Variants in EVI5 observed in about 807,000 individuals in gnomAD.
EVI5 encodes the protein ecotropic viral integration site 5, also known as ecotropic viral integration site 5 protein homolog.
Under a neutral mutation model 112.0 loss-of-function variants are expected in EVI5, and 73 were observed. That is an observed-to-expected ratio of 0.65 (90% CI 0.54 to 0.79). The LOEUF (loss-of-function observed/expected upper bound fraction) is 0.79, where lower values mean the gene tolerates loss of function less well. Ranked by LOEUF, EVI5 falls within the 30% of genes least tolerant of loss-of-function variation. The pLI, the probability that EVI5 is intolerant of heterozygous loss-of-function variation, is 0.00. For synonymous variants in EVI5, 305 were observed against 319.9 expected, an observed-to-expected ratio of 0.95 and a Z score of 0.50; for missense variants, 900 against 968.8, an observed-to-expected ratio of 0.93 and a Z score of 0.94.
At chr1:92,752,033 C>T (rs1680274167) in intron 1 of EVI5, among the ~76,000 whole-genome samples, 2 of 152,088 alleles carry the variant, frequency 1.3e-5, no homozygotes, top group African/African-American at 4.8e-5. Context: ...TAATAATTTT[C>T]CCTTATACTT....
intron 19 of EVI5, among the ~76,000 whole-genome samples, chr1:92,525,857 A>G (rs1337269171): frequency 6.6e-6 from 1 of 152,102 alleles, no homozygotes; most frequent in African/African-American, 2.4e-5. Flanking sequence ...ATTTATTTTT[A>G]CTTTTTTCTT....
At position 92,625,823 on chromosome 1, in the gene EVI5, GCTGT is replaced by G. The variant is rs1304093998; in HGVS notation, c.1635_1638del (p.Arg545SerfsTer6). The G allele has an allele frequency of 1.2e-6, 2 of 1,612,878 alleles. No individual in the cohort carries two copies. Among genetic ancestry groups the G allele is most frequent in the South Asian group, 1.1e-5 (1 of 90,970 alleles). Reference sequence around the variant, plus strand: ...CAGTGTTCCTCTAAATCCTTGACTTGCTGTCTAAGTTCTTTCAAACCCATAATGG... The same window carrying G: ...CAGTGTTCCTCTAAATCCTTGACTTGCTAAGTTCTTTCAAACCCATAATGG... On this transcript the variant is annotated frameshift_variant, in exon 15 of 20. Transcript: ENST00000684568. LOFTEE classifies it high-confidence loss of function.
rs1404849367 is a variant in EVI5 at position 92,757,413 on chromosome 1, A to G, written c.-81-20786T>C. Reference sequence around the variant, plus strand: ...TTTTGAAGAGGTTTTTTTTTATTCTACAGTTTTGAGTTTTATCTTTGTTCT... The same window carrying G: ...TTTTGAAGAGGTTTTTTTTTATTCTGCAGTTTTGAGTTTTATCTTTGTTCT... On this transcript the variant is annotated intron_variant, in intron 1 of 19. Coordinates refer to ENST00000684568, the MANE Select transcript of EVI5 (RefSeq NM_001350197.2). 4.6e-5 allele frequency among the ~76,000 whole-genome samples: 7 copies of G among 150,930 alleles called. No individual in the cohort carries two copies. In the South Asian group the frequency reaches 8.4e-4, roughly 18 times the overall value.
chr1:92,749,773 C>T lies in EVI5; in HGVS notation c.-81-13146G>A, dbSNP rs552496640. 1.1e-4 allele frequency among the ~76,000 whole-genome samples: 16 copies of T among 152,246 alleles called. No individual in the cohort carries two copies. The South Asian group carries it at 2.9e-3, about 28-fold the overall frequency. On this transcript the variant is annotated intron_variant, in intron 1 of 19. Coordinates refer to ENST00000684568, the MANE Select transcript of EVI5 (RefSeq NM_001350197.2). ...AAAATAATGTACTTTGCCAAGCATT[C>T]GAAGAGTCACTAAAATGTAGATCCA...
chr1:92,707,884 T>C (rs1342221885), intron 2 of EVI5, among the ~76,000 whole-genome samples: 2 of 152,062 alleles, frequency 1.3e-5, no homozygotes, highest in Non-Finnish European at 2.9e-5. Flanking sequence ...GATCAAATTG[T>C]GGTACATTCA....
At chr1:92,577,854 C>T (rs1022146284) in intron 18 of EVI5, among the ~76,000 whole-genome samples, 1 of 152,098 alleles carries the variant, frequency 6.6e-6, no homozygotes, top group African/African-American at 2.4e-5. Context: ...CTTCATATTC[C>T]ACGGCATGGG....
At chr1:92,690,985 A>G (rs1291890649) in intron 9 of EVI5, among the ~76,000 whole-genome samples, 2 of 152,236 alleles carry the variant, frequency 1.3e-5, no homozygotes, top group Non-Finnish European at 2.9e-5. Flanking sequence ...CAGAAGTTAA[A>G]TGAGATAACA....
At chr1:92,655,420 C>G (rs920838238) in intron 13 of EVI5, among the ~76,000 whole-genome samples, 4 of 152,062 alleles carry the variant, frequency 2.6e-5, no homozygotes, top group East Asian at 1.9e-4. Context: ...CTTTCCCAGA[C>G]AAGCAAATGC....
At chr1:92,539,081 T>C (rs751021112) in intron 19 of EVI5, among the ~76,000 whole-genome samples, 14 of 152,202 alleles carry the variant, frequency 9.2e-5, no homozygotes, top group African/African-American at 2.2e-4. Context: ...TTTTGTGGTA[T>C]AGCTGGAACA....
intron 18 of EVI5, among the ~76,000 whole-genome samples, chr1:92,593,454 G>A (rs558449169): frequency 1.3e-5 from 2 of 152,260 alleles, no homozygotes; most frequent in South Asian, 4.2e-4. Flanking sequence ...CAAACCCACA[G>A]CCAATATCAT....
At chr1:92,587,717 T>C (rs1455275558) in intron 18 of EVI5, among the ~76,000 whole-genome samples, 1 of 152,160 alleles carries the variant, frequency 6.6e-6, no homozygotes, top group African/African-American at 2.4e-5. Flanking sequence ...TTGGGCAAAC[T>C]AATCAAAATG....
chr1:92,558,168 G>A (rs1209776196), intron 19 of EVI5, among the ~76,000 whole-genome samples: 4 of 152,020 alleles, frequency 2.6e-5, no homozygotes, highest in African/African-American at 9.7e-5. Flanking sequence ...CCAGTTTCCC[G>A]CCTATCTCCC....
intron 14 of EVI5, among the ~76,000 whole-genome samples, chr1:92,629,654 TTC>T (rs1656459223): frequency 6.6e-6 from 1 of 152,064 alleles, no homozygotes; most frequent in South Asian, 2.1e-4. Context: ...AGATGAAATT[TTC>T]TTTTTTTTTC....
intron 1 of EVI5, among the ~76,000 whole-genome samples, chr1:92,759,441 C>T (rs1013526120): frequency 2.0e-5 from 3 of 152,140 alleles, no homozygotes; most frequent in African/African-American, 7.2e-5. Context: ...AAGTCCTTAA[C>T]GGTTTCAAAC....
intron 2 of EVI5, 96 bp from the exon 3 acceptor site, chr1:92,704,840 ATT>A (rs1671727272): frequency 6.4e-6 from 3 of 465,868 alleles, no homozygotes; most frequent in East Asian, 6.8e-5. Context: ...CAATTTAACC[ATT>A]GTTTTAAAAT....
At chr1:92,613,677 C>T (rs1367214249) in intron 16 of EVI5, among the ~76,000 whole-genome samples, 2 of 152,154 alleles carry the variant, frequency 1.3e-5, no homozygotes, top group Non-Finnish European at 2.9e-5. Flanking sequence ...CAGCCTCAAA[C>T]TCCTGGGCTC....
intron 15 of EVI5, 62 bp downstream of exon 15, chr1:92,625,732 T>G: frequency 6.7e-7 from 1 of 1,492,080 alleles, no homozygotes; most frequent in Non-Finnish European, 9.3e-7. Flanking sequence ...TTCAAACTCT[T>G]ACAAATTGGA....
intron 13 of EVI5, among the ~76,000 whole-genome samples, chr1:92,651,634 G>A (rs1413044261): frequency 1.3e-5 from 2 of 149,780 alleles, no homozygotes; most frequent in African/African-American, 4.9e-5. Context: ...GGCGGATCAC[G>A]AGGTCAGGAG....
At chr1:92,606,258 G>T (rs868275092) in intron 17 of EVI5, among the ~76,000 whole-genome samples, 1 of 152,234 alleles carries the variant, frequency 6.6e-6, no homozygotes, top group Middle Eastern at 3.4e-3. Context: ...GTTCCTCAAA[G>T]ATTTATTTCC....
Sources: allele counts gnomAD v4.1 joint callset (sites outside exome capture counted in the v4.1 genomes callset), GRCh38; gene constraint gnomAD v4.1.1; transcripts MANE v1.5; gene names NCBI Gene and HGNC (gene_info 2026-07-23, HGNC 2026-07-21).